The following FARS2 variants were observed in gnomAD, a reference collection of about 807,000 sequenced individuals.
The protein encoded by FARS2 is phenylalanine--tRNA ligase, mitochondrial.
In FARS2, 40 loss-of-function variants were observed where a neutral mutation model predicts 46.4. The observed-to-expected ratio is 0.86, with a 90% CI of 0.67 to 1.12. FARS2 has a LOEUF of 1.12. FARS2 is among the 50% of genes most tolerant of loss of function. The pLI is 0.00. For missense variants in FARS2, 513 were observed against 567.9 expected, an observed-to-expected ratio of 0.90 and a Z score of 0.98; for synonymous variants, 234 against 214.9, an observed-to-expected ratio of 1.09 and a Z score of -0.78.
At chr6:5,732,787 A>G (rs1442560566) in intron 6 of FARS2, among the ~76,000 whole-genome samples, 6 of 151,378 alleles carry the variant, frequency 4.0e-5, no homozygotes, top group Admixed American at 6.6e-5. Context: ...TCCACCAGAG[A>G]TAGGTAGGAC....
intron 6 of FARS2, among the ~76,000 whole-genome samples, chr6:5,768,799 T>C (rs59300166): frequency 0.027 from 4,082 of 152,334 alleles, 188 homozygotes; most frequent in African/African-American, 0.089. Flanking sequence ...TTCAGATCTT[T>C]GGTACATTTG....
intron 5 of FARS2, among the ~76,000 whole-genome samples, chr6:5,588,602 A>G (rs1350599510): frequency 6.6e-6 from 1 of 152,126 alleles, no homozygotes; most frequent in Non-Finnish European, 1.5e-5. Flanking sequence ...TTCCCTTGCT[A>G]AGAAGAAAGA....
intron 6 of FARS2, among the ~76,000 whole-genome samples, chr6:5,748,656 G>T (rs143729603): frequency 6.6e-6 from 1 of 152,216 alleles, no homozygotes. Flanking sequence ...TGAGTAACTC[G>T]TTCAAAGACA....
At chr6:5,272,757 C>G (rs1766054158) in intron 1 of FARS2, among the ~76,000 whole-genome samples, 1 of 152,126 alleles carries the variant, frequency 6.6e-6, no homozygotes, top group Non-Finnish European at 1.5e-5. Context: ...TAAGTCTTAT[C>G]TCTTCTATCA....
At chr6:5,560,573 C>A (rs1582449181) in intron 5 of FARS2, among the ~76,000 whole-genome samples, 1 of 151,994 alleles carries the variant, frequency 6.6e-6, no homozygotes, top group Non-Finnish European at 1.5e-5. Flanking sequence ...ATTATGATAT[C>A]CTCATAAAAC....
At chr6:5,260,577 C>G (rs563852841), upstream of FARS2, 8 of 1,518,382 alleles carry the variant, frequency 5.3e-6, no homozygotes, top group East Asian at 2.0e-4. Flanking sequence ...GGGGATATTC[C>G]GCGTCAGCCC....
chr6:5,613,032 T>C, intron 5 of FARS2, 137 bp from the exon 6 acceptor site: 1 of 689,880 alleles, frequency 1.4e-6, no homozygotes, highest in Non-Finnish European at 2.4e-6. Context: ...TAAGTTCATT[T>C]TGTTCTGCAA....
At chr6:5,603,679 A>G (rs566181839) in intron 5 of FARS2, among the ~76,000 whole-genome samples, 1 of 152,262 alleles carries the variant, frequency 6.6e-6, no homozygotes, top group East Asian at 1.9e-4. Flanking sequence ...CCCTGTGTGC[A>G]TGCCTGTGTT....
chr6:5,466,246 T>G (rs1013691357), intron 4 of FARS2, among the ~76,000 whole-genome samples: 4 of 152,230 alleles, frequency 2.6e-5, no homozygotes, highest in African/African-American at 4.8e-5. Flanking sequence ...ATCTGCAAAG[T>G]CTTCACAGAT....
intron 1 of FARS2, among the ~76,000 whole-genome samples, chr6:5,272,839 C>T (rs1260834321): frequency 3.3e-5 from 5 of 152,202 alleles, no homozygotes; most frequent in African/African-American, 7.2e-5. Flanking sequence ...CCTCTGGTCA[C>T]CACCAGTCTA....
At chr6:5,280,550 A>G (rs1240910683) in intron 1 of FARS2, among the ~76,000 whole-genome samples, 1 of 152,154 alleles carries the variant, frequency 6.6e-6, no homozygotes, top group East Asian at 1.9e-4. Context: ...AACTAAAATC[A>G]TTTTCTAGAA....
In FARS2 at chr6:5,764,327, C is replaced by T. The variant is rs912679347; in HGVS notation, c.1218-6964C>T. Among the ~76,000 whole-genome samples, 2 of 152,156 alleles carry T rather than the reference C, an allele frequency of 1.3e-5. No homozygotes were observed. Among genetic ancestry groups the T allele is most frequent in the South Asian group, 4.1e-4 (2 of 4,836 alleles). On this transcript the variant is annotated intron_variant, in intron 6 of 6. Transcript: ENST00000274680. The surrounding 1 kb of genome is among the most constrained non-coding windows in gnomAD (Gnocchi z 4.1). ...CCATGCCCATTCACTTCTATATTTT[C>T]AGGAGAGGCCATGGAACCTGTCCTC...
chr6:5,726,019 A>T (rs1760229996), intron 6 of FARS2, among the ~76,000 whole-genome samples: 2 of 152,184 alleles, frequency 1.3e-5, no homozygotes, highest in Admixed American at 1.3e-4. Context: ...AAGGAGGTGG[A>T]TGAATTTGGG....
At chr6:5,607,897 T>C (rs1390148454) in intron 5 of FARS2, among the ~76,000 whole-genome samples, 1 of 151,088 alleles carries the variant, frequency 6.6e-6, no homozygotes, top group African/African-American at 2.4e-5. Flanking sequence ...CAATAAAGAA[T>C]TGTGACCACA....
At chr6:5,703,146 GC>G (rs1403431434) in intron 6 of FARS2, among the ~76,000 whole-genome samples, 1 of 152,178 alleles carries the variant, frequency 6.6e-6, no homozygotes, top group Non-Finnish European at 1.5e-5. Flanking sequence ...TAGCTGCCAA[GC>G]CTGTGGATTA....
chr6:5,429,835 C>T (rs543471677), intron 3 of FARS2, among the ~76,000 whole-genome samples: 1 of 152,108 alleles, frequency 6.6e-6, no homozygotes, highest in African/African-American at 2.4e-5. Context: ...AAAAAAACAA[C>T]AAGAGCAAGA....
chr6:5,250,667 T>C, the FARS2 span, among the ~76,000 whole-genome samples: 1 of 152,342 alleles, frequency 6.6e-6, no homozygotes, highest in Middle Eastern at 3.4e-3. Context: ...CAATAGTTCT[T>C]TGTAATACAG....
chr6:5,433,981 C>T (rs777204345), intron 4 of FARS2, among the ~76,000 whole-genome samples: 28 of 152,090 alleles, frequency 1.8e-4, no homozygotes, highest in Non-Finnish European at 3.2e-4. Flanking sequence ...AGATCAGCCA[C>T]GTTAGATATT....
intron 6 of FARS2, among the ~76,000 whole-genome samples, chr6:5,692,691 G>T (rs921619970): frequency 1.3e-5 from 2 of 152,230 alleles, no homozygotes; most frequent in Non-Finnish European, 2.9e-5. Context: ...TTTCTATAAT[G>T]TATAAAAATC....
Sources: gnomAD v4.1 joint callset for allele counts (sites outside exome capture counted in the v4.1 genomes callset) on GRCh38, gnomAD v4.1.1 for gene constraint, Gnocchi (gnomAD v3.1) non-coding constraint, MANE v1.5 for transcripts, NCBI Gene and HGNC (gene_info 2026-07-23, HGNC 2026-07-21) for gene names.